Variants in NKAIN2 observed in about 807,000 individuals in gnomAD.
NKAIN2 encodes sodium/potassium transporting ATPase interacting 2.
A neutral mutation model predicts 32.6 loss-of-function variants in NKAIN2; 14 were observed. The observed-to-expected ratio is 0.43, with a 90% CI of 0.28 to 0.67. The LOEUF (loss-of-function observed/expected upper bound fraction) is 0.67, where lower values mean the gene tolerates loss of function less well. Among genes scored for constraint, NKAIN2 ranks in the 30% least tolerant of loss-of-function variants. NKAIN2 has a pLI of 0.17. For missense variants in NKAIN2, 198 were observed against 258.3 expected, an observed-to-expected ratio of 0.77 and a Z score of 1.60; for synonymous variants, 80 against 87.2, an observed-to-expected ratio of 0.92 and a Z score of 0.46.
intron 1 of NKAIN2, among the ~76,000 whole-genome samples, chr6:123,927,854 C>G (rs937415068): frequency 4.6e-5 from 7 of 152,154 alleles, no homozygotes; most frequent in African/African-American, 1.7e-4. Flanking sequence ...CTGTAACTTG[C>G]AGATGTAACT....
intron 1 of NKAIN2, among the ~76,000 whole-genome samples, chr6:124,269,449 CTTTCTTTTTTTTTTCTT>C (rs1794649738): frequency 6.7e-6 from 1 of 148,174 alleles, no homozygotes; most frequent in Non-Finnish European, 1.5e-5. Flanking sequence ...TTCTTTCTTT[CTTTCTTTTTTTTTTCTT>C]TTTCTTTTTT....
At chr6:124,088,055 G>A (rs1784262150) in intron 1 of NKAIN2, among the ~76,000 whole-genome samples, 1 of 152,034 alleles carries the variant, frequency 6.6e-6, no homozygotes, top group South Asian at 2.1e-4. Flanking sequence ...GTGCACGTTA[G>A]AGTCTCACAA....
intron 1 of NKAIN2, among the ~76,000 whole-genome samples, chr6:124,273,164 A>G (rs2114885095): frequency 6.6e-6 from 1 of 152,252 alleles, no homozygotes; most frequent in Admixed American, 6.5e-5. Flanking sequence ...GAGATTTGGA[A>G]GAGGTGGAAT....
Position 124,389,643 on chromosome 6 carries a change from AG to A in NKAIN2, c.273+34298del, listed in dbSNP as rs371460804. Among the ~76,000 whole-genome samples the A allele has an allele frequency of 5.9e-3, 891 of 151,770 alleles. 9 individuals are homozygous for A. The highest frequency in any genetic ancestry group is 0.021 in the African/African-American group (868 of 41,416). Reference sequence around the variant, plus strand: ...ATATGAAATGATTTTTTTTCCCAAAAGGTCAAAACTGTTAGATCCTCACCCT... The same window carrying A: ...ATATGAAATGATTTTTTTTCCCAAAAGTCAAAACTGTTAGATCCTCACCCT... On this transcript the variant is annotated intron_variant, in intron 3 of 6. Coordinates refer to ENST00000368417, the MANE Select transcript of NKAIN2 (RefSeq NM_001040214.3).
At chr6:124,403,022 A>G (rs770182400) in intron 3 of NKAIN2, among the ~76,000 whole-genome samples, 4 of 152,208 alleles carry the variant, frequency 2.6e-5, no homozygotes, top group Non-Finnish European at 4.4e-5. Context: ...TATAAGTTAT[A>G]GAATCAGGTT....
At chr6:124,396,748 G>A (rs1773400932) in intron 3 of NKAIN2, among the ~76,000 whole-genome samples, 1 of 152,170 alleles carries the variant, frequency 6.6e-6, no homozygotes, top group Admixed American at 6.6e-5. Flanking sequence ...GGGAGAGTGG[G>A]AGGTGTATGA....
At chr6:124,729,571 A>T (rs1186441338) in intron 4 of NKAIN2, among the ~76,000 whole-genome samples, 1 of 151,714 alleles carries the variant, frequency 6.6e-6, no homozygotes, top group African/African-American at 2.4e-5. Context: ...AAATAATAAA[A>T]GCTATCTATG....
intron 1 of NKAIN2, among the ~76,000 whole-genome samples, chr6:123,809,665 C>T (rs1004181112): frequency 1.3e-5 from 2 of 152,018 alleles, no homozygotes; most frequent in African/African-American, 4.8e-5. Context: ...ATATAAAATG[C>T]TTAATATATA....
chr6:124,308,988 T>C (rs1796616006), intron 2 of NKAIN2, among the ~76,000 whole-genome samples: 1 of 152,120 alleles, frequency 6.6e-6, no homozygotes, highest in Non-Finnish European at 1.5e-5. Context: ...ACCTATCGAC[T>C]TGGAAAATAA....
chr6:124,572,667 AG>A (rs941762425), intron 3 of NKAIN2, among the ~76,000 whole-genome samples: 2 of 151,380 alleles, frequency 1.3e-5, no homozygotes, highest in African/African-American at 4.8e-5. Flanking sequence ...TTATATTAGA[AG>A]GAGCCATAAT....
intron 4 of NKAIN2, among the ~76,000 whole-genome samples, chr6:124,717,331 A>G (rs1375453693): frequency 6.6e-6 from 1 of 152,224 alleles, no homozygotes; most frequent in African/African-American, 2.4e-5. Context: ...GTGATACTCA[A>G]TAAATATATG....
chr6:124,604,646 TAAAATGG>T (rs1164934719), intron 3 of NKAIN2, among the ~76,000 whole-genome samples: 3 of 151,758 alleles, frequency 2.0e-5, no homozygotes, highest in African/African-American at 7.2e-5. Context: ...ATAAAATTAA[TAAAATGG>T]AAAATGGAAA....
chr6:124,444,049 A>C (rs940677460), intron 3 of NKAIN2, among the ~76,000 whole-genome samples: 7 of 152,048 alleles, frequency 4.6e-5, no homozygotes, highest in Admixed American at 1.3e-4. Flanking sequence ...TATTTTACTG[A>C]CTAAGCTGCA....
At chr6:124,120,905 C>T (rs1194745967) in intron 1 of NKAIN2, among the ~76,000 whole-genome samples, 1 of 151,950 alleles carries the variant, frequency 6.6e-6, no homozygotes, top group Non-Finnish European at 1.5e-5. Context: ...GTTTTAAAAC[C>T]GTATACTATT....
intron 1 of NKAIN2, among the ~76,000 whole-genome samples, chr6:123,921,899 C>T (rs1241083873): frequency 6.6e-6 from 1 of 151,880 alleles, no homozygotes. Flanking sequence ...CCACTGCACT[C>T]CAGCCCGGGC....
At chr6:123,969,864 A>T (rs2114633332) in intron 1 of NKAIN2, among the ~76,000 whole-genome samples, 1 of 152,306 alleles carries the variant, frequency 6.6e-6, no homozygotes, top group Non-Finnish European at 1.5e-5. Context: ...TGTCTGCCGC[A>T]AAAATAACTA....
In NKAIN2 at chr6:124,488,803, AAAATTTGTG is replaced by A. The variant is rs1777751623; in HGVS notation, c.273+133457_273+133465del. Among the ~76,000 whole-genome samples the A allele has an allele frequency of 2.6e-5, 4 of 152,102 alleles. No homozygotes were observed. The South Asian group carries it at 8.3e-4, about 32-fold the overall frequency. ...TTGTTATTACTGTCATAGCTTCTCT[AAAATTTGTG>A]TTGTGCTGAGACTGTTTTATGTGGA... is the stretch of plus-strand genomic sequence containing the variant. On this transcript the variant is annotated intron_variant, in intron 3 of 6. Coordinates refer to ENST00000368417, the MANE Select transcript of NKAIN2 (RefSeq NM_001040214.3).
At chr6:124,357,915 A>G (rs908258367) in intron 3 of NKAIN2, among the ~76,000 whole-genome samples, 1 of 147,028 alleles carries the variant, frequency 6.8e-6, no homozygotes, top group African/African-American at 2.7e-5. Flanking sequence ...TCCTAATGCT[A>G]TCCCTCCCCC....
chr6:123,830,860 G>A (rs1774350582), intron 1 of NKAIN2, among the ~76,000 whole-genome samples: 1 of 152,198 alleles, frequency 6.6e-6, no homozygotes, highest in Admixed American at 6.5e-5. Flanking sequence ...GAATCAATCA[G>A]TGACTGACGA....
Sources: allele counts gnomAD v4.1 joint callset (sites outside exome capture counted in the v4.1 genomes callset), GRCh38; gene constraint gnomAD v4.1.1; transcripts MANE v1.5; gene names NCBI Gene and HGNC (gene_info 2026-07-23, HGNC 2026-07-21).